The following SEMA5A variants were observed in gnomAD, a reference collection of about 807,000 sequenced individuals.
SEMA5A encodes the protein semaphorin 5A, also known as semaphorin-5A.
SEMA5A carries 55 observed loss-of-function variants against 135.5 expected under a neutral mutation model. That is an observed-to-expected ratio of 0.41 (90% CI 0.33 to 0.51). SEMA5A has a LOEUF of 0.51. SEMA5A is among the 20% of genes least tolerant of loss of function. SEMA5A has a pLI of 0.37. For missense variants in SEMA5A, 1,290 were observed against 1,419.9 expected, an observed-to-expected ratio of 0.91 and a Z score of 1.47; for synonymous variants, 580 against 546.5, an observed-to-expected ratio of 1.06 and a Z score of -0.85.
At position 9,039,174 on chromosome 5, in the gene SEMA5A, C is replaced by T. The variant is rs1275812630; in HGVS notation, c.*3723G>A. On this transcript the variant is annotated 3_prime_UTR_variant, in exon 23 of 23. Transcript: ENST00000382496. Reference sequence around the variant, plus strand: ...AGTACACCTTTGGCTAAAACTCTGGCACTCTGGGCAGTTGATCCTGGCAGA... The same window carrying T: ...AGTACACCTTTGGCTAAAACTCTGGTACTCTGGGCAGTTGATCCTGGCAGA... 2.6e-5 allele frequency: 4 copies of T among 152,266 alleles called. No individual in the cohort carries two copies. Among genetic ancestry groups the T allele is most frequent in the Admixed American group, 2.6e-4 (4 of 15,280 alleles). 9.4% of individuals were successfully genotyped at this position (152,266 alleles called of 1,614,324 possible).
intron 11 of SEMA5A, among the ~76,000 whole-genome samples, chr5:9,188,171 A>T (rs1055324608): frequency 1.3e-5 from 2 of 152,138 alleles, no homozygotes; most frequent in African/African-American, 4.8e-5. Flanking sequence ...AGGAGAGAAG[A>T]TCTCTCTTCA....
At chr5:9,519,628 A>G (rs1269101267) in intron 1 of SEMA5A, among the ~76,000 whole-genome samples, 1 of 152,220 alleles carries the variant, frequency 6.6e-6, no homozygotes, top group Non-Finnish European at 1.5e-5. Flanking sequence ...AAAATTCCTT[A>G]GATATGTTTC....
chr5:9,482,464 G>T (rs1278200410), intron 1 of SEMA5A, among the ~76,000 whole-genome samples: 1 of 152,160 alleles, frequency 6.6e-6, no homozygotes, highest in African/African-American at 2.4e-5. Flanking sequence ...AAGATTCTGG[G>T]TGAGTGGAAG....
Position 9,050,432 on chromosome 5 carries a change from G to A in SEMA5A, c.2871C>T (p.Ser957=), listed in dbSNP as rs757473127. Residue 957 remains serine, a synonymous_variant, in exon 21 of 23, where the codon AGC becomes AGT. Transcript: ENST00000382496. ...IPEVSVARSS[S]VEEKRCGEFN... is the part of the protein sequence containing the mutation. Reference sequence around the variant, plus strand: ...TACCTCCACACCTTTTCTCTTCTACGCTACTGGATCTTGCCACAGATACTT... The same window carrying A: ...TACCTCCACACCTTTTCTCTTCTACACTACTGGATCTTGCCACAGATACTT... 14 of 1,612,558 alleles carry A rather than the reference G, an allele frequency of 8.7e-6. No individual in the cohort carries two copies. Among genetic ancestry groups the A allele is most frequent in the Admixed American group, 1.7e-5 (1 of 59,812 alleles).
chr5:9,197,084 T>C, intron 10 of SEMA5A, 84 bp downstream of exon 10: 1 of 1,576,360 alleles, frequency 6.3e-7, no homozygotes, highest in African/African-American at 1.3e-5. Flanking sequence ...ACCCGCGGTT[T>C]AAATTACCCT....
At chr5:9,399,813 A>G (rs1756569409) in intron 2 of SEMA5A, among the ~76,000 whole-genome samples, 11 of 152,090 alleles carry the variant, frequency 7.2e-5, no homozygotes, top group Admixed American at 7.2e-4. Context: ...GTTTGGTGAT[A>G]GCGGTGACTA....
Position 9,063,023 on chromosome 5 carries a change from T to C in SEMA5A, c.2382A>G (p.Ser794=), listed in dbSNP as rs1439991919. ...CCCTGCTGCAGTCACGGCTGCACTG[T>C]GACCACGACGTCCAGGCTGACCAAG... ...NGAWSAWTSW[S]QCSRDCSRGI... is the part of the protein sequence containing the mutation. The change falls in exon 18 of 23, where the codon TCA becomes TCG. Residue 794 remains serine (S), a synonymous_variant. Coordinates refer to ENST00000382496, the MANE Select transcript of SEMA5A (RefSeq NM_003966.3). 6.2e-7 allele frequency: 1 copy of C among 1,614,210 alleles called. No homozygotes were observed. The highest frequency in any genetic ancestry group is 1.7e-5 in the Admixed American group (1 of 60,026).
At chr5:9,542,479 G>A (rs995274829) in intron 1 of SEMA5A, among the ~76,000 whole-genome samples, 2 of 152,170 alleles carry the variant, frequency 1.3e-5, no homozygotes, top group African/African-American at 4.8e-5. Flanking sequence ...AGTAGATGCA[G>A]GTGAGCAGAA....
At chr5:9,373,769 C>T (rs949432431) in intron 3 of SEMA5A, among the ~76,000 whole-genome samples, 14 of 152,180 alleles carry the variant, frequency 9.2e-5, no homozygotes, top group Non-Finnish European at 1.6e-4. Context: ...GAAGGACCCA[C>T]GCAAAGTACA....
chr5:9,101,625 A>T (rs1275627515), intron 16 of SEMA5A, among the ~76,000 whole-genome samples: 1 of 152,208 alleles, frequency 6.6e-6, no homozygotes, highest in Non-Finnish European at 1.5e-5. Context: ...AGGATTATAA[A>T]ATGGTATTTT....
At chr5:9,340,758 CAGA>C (rs1322258355) in intron 3 of SEMA5A, among the ~76,000 whole-genome samples, 1 of 152,124 alleles carries the variant, frequency 6.6e-6, no homozygotes, top group Non-Finnish European at 1.5e-5. Flanking sequence ...CTCTTTCCTC[CAGA>C]AGGTTGGCCA....
chr5:9,066,283 AC>A (rs1737460355), intron 17 of SEMA5A, 137 bp downstream of exon 17: 1 of 778,500 alleles, frequency 1.3e-6, no homozygotes, highest in African/African-American at 1.7e-5. Flanking sequence ...GTTGTGCTCT[AC>A]AGGGATCATT....
chr5:9,140,829 T>G (rs1044187769), intron 12 of SEMA5A, among the ~76,000 whole-genome samples: 6 of 152,118 alleles, frequency 3.9e-5, no homozygotes, highest in Admixed American at 2.0e-4. Flanking sequence ...TGACCAGTAG[T>G]TAAAATTAAA....
intron 8 of SEMA5A, among the ~76,000 whole-genome samples, chr5:9,215,516 T>A (rs1413500040): frequency 6.6e-6 from 1 of 152,112 alleles, no homozygotes; most frequent in Non-Finnish European, 1.5e-5. Context: ...AAGATGGCCA[T>A]GTGAAGATGG....
chr5:9,299,326 A>G (rs1392035424), intron 5 of SEMA5A, among the ~76,000 whole-genome samples: 2 of 152,140 alleles, frequency 1.3e-5, no homozygotes, highest in African/African-American at 4.8e-5. Context: ...ATTGATGTGG[A>G]TGGAGAGTAT....
intron 12 of SEMA5A, among the ~76,000 whole-genome samples, chr5:9,149,452 T>C (rs1367119764): frequency 1.3e-5 from 2 of 152,194 alleles, no homozygotes; most frequent in African/African-American, 4.8e-5. Flanking sequence ...AAGACCATCC[T>C]GGCCAACATG....
At chr5:9,249,803 G>C (rs1454889921) in intron 5 of SEMA5A, among the ~76,000 whole-genome samples, 2 of 152,110 alleles carry the variant, frequency 1.3e-5, no homozygotes, top group African/African-American at 2.4e-5. Context: ...TGACCAGTGA[G>C]TGAATAAGTG....
chr5:9,283,033 A>G (rs115355647), intron 5 of SEMA5A, among the ~76,000 whole-genome samples: 1,555 of 152,228 alleles, frequency 0.01, 27 homozygotes, highest in African/African-American at 0.036. Flanking sequence ...CCAATTTTGA[A>G]CTTCTGGCAT....
intron 1 of SEMA5A, among the ~76,000 whole-genome samples, chr5:9,490,945 A>G (rs1441197999): frequency 6.6e-6 from 1 of 152,212 alleles, no homozygotes; most frequent in African/African-American, 2.4e-5. Context: ...CAAAGCAGTT[A>G]CAGCAGGTAC....
Sources: gnomAD v4.1 joint callset for allele counts (sites outside exome capture counted in the v4.1 genomes callset) on GRCh38, gnomAD v4.1.1 for gene constraint, MANE v1.5 for transcripts, NCBI Gene and HGNC (gene_info 2026-07-23, HGNC 2026-07-21) for gene names.